The following TYR variants were observed in gnomAD, a reference collection of about 807,000 sequenced individuals.
TYR encodes tyrosinase.
TYR carries 58 observed loss-of-function variants against 51.5 expected under a neutral mutation model. The observed-to-expected ratio is 1.13, with a 90% CI of 0.91 to 1.40. TYR has a LOEUF of 1.40. Ranked by LOEUF, TYR falls within the 40% of genes most tolerant of loss-of-function variation. TYR has a pLI of 0.00. For missense variants in TYR, 732 were observed against 647.4 expected (o/e 1.13, Z -1.42); for synonymous variants, 263 against 235.2 (o/e 1.12, Z -1.08).
Position 89,208,631 on chromosome 11 carries a change from G to A in TYR, c.1036+17213G>A, listed in dbSNP as rs147293320. Among the ~76,000 whole-genome samples the A allele has an allele frequency of 3.7e-3, 562 of 152,250 alleles. 1 individual carries two copies. The highest frequency in any genetic ancestry group is 0.013 in the African/African-American group (526 of 41,550). ...AGAGAATAAAATAATTGCTCAGTGA[G>A]TATGCAATTCATCTGAATCTATGGA... On this transcript the variant is annotated intron_variant, in intron 2 of 4. Transcript: ENST00000263321.
chr11:89,233,899 T>C (rs368621917), intron 3 of TYR, among the ~76,000 whole-genome samples: 7 of 143,154 alleles, frequency 4.9e-5, no homozygotes, highest in East Asian at 4.1e-4. Flanking sequence ...AAATGAGCAC[T>C]GGCTTCTACT....
At chr11:89,208,045 G>A (rs536743044) in intron 2 of TYR, among the ~76,000 whole-genome samples, 149 of 152,290 alleles carry the variant, frequency 9.8e-4, no homozygotes, top group Non-Finnish European at 1.6e-3. Flanking sequence ...AAGGCGGGGG[G>A]ATCACGAAGT....
chr11:89,249,510 G>A (rs1944307142), intron 3 of TYR, among the ~76,000 whole-genome samples: 1 of 149,440 alleles, frequency 6.7e-6, no homozygotes, highest in Non-Finnish European at 1.5e-5. Context: ...AATAAATCAG[G>A]TACTCTTAAG....
intron 3 of TYR, among the ~76,000 whole-genome samples, chr11:89,256,189 A>G (rs1428150432): frequency 6.6e-6 from 1 of 151,800 alleles, no homozygotes; most frequent in Non-Finnish European, 1.5e-5. Context: ...AAAATCGGGT[A>G]TTTGTTTGTT....
chr11:89,238,637 G>A (rs1264382413), intron 3 of TYR, among the ~76,000 whole-genome samples: 2 of 152,108 alleles, frequency 1.3e-5, no homozygotes, highest in African/African-American at 4.8e-5. Context: ...ATTAGTCATG[G>A]TGAGAGTGGG....
At chr11:89,260,033 A>G (rs1170832657) in intron 3 of TYR, among the ~76,000 whole-genome samples, 1 of 152,126 alleles carries the variant, frequency 6.6e-6, no homozygotes, top group Non-Finnish European at 1.5e-5. Context: ...TTTCTCTGAT[A>G]ACAAAAGTTA....
chr11:89,258,889 G>A (rs1271617100), intron 3 of TYR, among the ~76,000 whole-genome samples: 1 of 151,990 alleles, frequency 6.6e-6, no homozygotes, highest in Non-Finnish European at 1.5e-5. Context: ...CAGTGCCTTT[G>A]CCACCCTCAC....
intron 1 of TYR, among the ~76,000 whole-genome samples, chr11:89,190,238 T>A (rs2135252130): frequency 6.6e-6 from 1 of 152,266 alleles, no homozygotes; most frequent in South Asian, 2.1e-4. Flanking sequence ...CAGGAGGTGT[T>A]CCACAAAACG....
chr11:89,211,524 T>A (rs1943755650), intron 2 of TYR, among the ~76,000 whole-genome samples: 1 of 152,140 alleles, frequency 6.6e-6, no homozygotes, highest in Admixed American at 6.5e-5. Context: ...CACCCCACTG[T>A]CAATATTAGA....
In TYR at chr11:89,265,316, T is replaced by C. The variant is rs570438917; in HGVS notation, c.1185-19457T>C. Among the ~76,000 whole-genome samples the C allele has an allele frequency of 9.9e-5, 15 of 152,154 alleles. No individual in the cohort carries two copies. In the South Asian group the frequency reaches 2.9e-3, roughly 29 times the overall value. The stretch of plus-strand genomic sequence containing the variant: ...ACCTTTGATAAAAGGATAAGCTTTG[T>C]CAGACGGGCCCAAAGAGGAGCTTGC... On this transcript the variant is annotated intron_variant, in intron 3 of 4. Transcript: ENST00000263321.
intron 3 of TYR, among the ~76,000 whole-genome samples, chr11:89,282,829 T>C (rs904081452): frequency 1.3e-5 from 2 of 151,790 alleles, no homozygotes; most frequent in African/African-American, 4.8e-5. Flanking sequence ...TAAAACAGCA[T>C]ATGTTATGTC....
intron 2 of TYR, among the ~76,000 whole-genome samples, chr11:89,223,117 C>T (rs1323517128): frequency 6.6e-6 from 1 of 152,178 alleles, no homozygotes; most frequent in East Asian, 1.9e-4. Flanking sequence ...ATCAATTATT[C>T]AGTTCATTGA....
At chr11:89,194,640 C>A (rs946242261) in intron 2 of TYR, among the ~76,000 whole-genome samples, 4 of 143,620 alleles carry the variant, frequency 2.8e-5, no homozygotes, top group Non-Finnish European at 6.0e-5. Flanking sequence ...TAGCAAAAAT[C>A]CTCCATTTTT....
intron 3 of TYR, among the ~76,000 whole-genome samples, chr11:89,270,818 T>A (rs1944579947): frequency 6.6e-6 from 1 of 151,884 alleles, no homozygotes. Flanking sequence ...CTAATATGAA[T>A]TCAGTCTCCT....
At chr11:89,197,760 G>C (rs1380928284) in intron 2 of TYR, among the ~76,000 whole-genome samples, 1 of 152,026 alleles carries the variant, frequency 6.6e-6, no homozygotes, top group Non-Finnish European at 1.5e-5. Flanking sequence ...AGCAAGGAAA[G>C]CAACAAGTTC....
intron 3 of TYR, among the ~76,000 whole-genome samples, chr11:89,274,570 A>G (rs1190646856): frequency 6.6e-6 from 1 of 151,874 alleles, no homozygotes; most frequent in Non-Finnish European, 1.5e-5. Flanking sequence ...ACAGCTCTTT[A>G]AAGTTTGTTA....
chr11:89,230,139 C>T (rs1279821018), intron 3 of TYR, among the ~76,000 whole-genome samples: 1 of 151,942 alleles, frequency 6.6e-6, no homozygotes, highest in African/African-American at 2.4e-5. Flanking sequence ...AAATATACTA[C>T]AAAACTATAG....
intron 3 of TYR, among the ~76,000 whole-genome samples, chr11:89,228,318 T>C (rs969789950): frequency 6.6e-6 from 1 of 152,158 alleles, no homozygotes; most frequent in Non-Finnish European, 1.5e-5. Context: ...AGATGAGTCT[T>C]TGTACTTCCA....
chr11:89,264,718 G>A (rs548183173), intron 3 of TYR, among the ~76,000 whole-genome samples: 38 of 148,314 alleles, frequency 2.6e-4, no homozygotes, highest in Admixed American at 7.3e-4. Context: ...CACATACACC[G>A]TGGAATACTA....
Sources: allele counts gnomAD v4.1 joint callset (sites outside exome capture counted in the v4.1 genomes callset), GRCh38; gene constraint gnomAD v4.1.1; transcripts MANE v1.5; gene names NCBI Gene and HGNC (gene_info 2026-07-23, HGNC 2026-07-21).